The following STIM1 variants were observed in gnomAD, a reference collection of about 807,000 sequenced individuals.
STIM1 encodes the protein stromal interaction molecule 1.
STIM1 carries 25 observed loss-of-function variants against 74.7 expected under a neutral mutation model. The observed-to-expected ratio is 0.33, with a 90% CI of 0.24 to 0.47. The LOEUF is 0.47. STIM1 is among the 20% of genes least tolerant of loss of function. The pLI is 1.00. For synonymous variants in STIM1, 328 were observed against 348.8 expected, an observed-to-expected ratio of 0.94 and a Z score of 0.66; for missense variants, 728 against 920.8, an observed-to-expected ratio of 0.79 and a Z score of 2.71.
At chr11:4,036,928 G>A (rs1302117822) in intron 3 of STIM1, among the ~76,000 whole-genome samples, 2 of 152,146 alleles carry the variant, frequency 1.3e-5, no homozygotes, top group African/African-American at 2.4e-5. Context: ...AACTATCATC[G>A]GAGTGAACAG....
At chr11:3,995,082 TGA>T (rs1481543572) in intron 2 of STIM1, among the ~76,000 whole-genome samples, 1 of 60,810 alleles carries the variant, frequency 1.6e-5, no homozygotes, top group Non-Finnish European at 4.4e-5. Context: ...TTAAAAATCA[TGA>T]TTTTTTTTTT....
At chr11:3,894,033 C>T (rs1003994267) in intron 1 of STIM1, among the ~76,000 whole-genome samples, 1 of 152,012 alleles carries the variant, frequency 6.6e-6, no homozygotes, top group Non-Finnish European at 1.5e-5. Flanking sequence ...GCCCACCTCC[C>T]GAAATGTTGG....
At chr11:3,955,053 A>G (rs2093194655) in intron 1 of STIM1, among the ~76,000 whole-genome samples, 1 of 152,264 alleles carries the variant, frequency 6.6e-6, no homozygotes, top group African/African-American at 2.4e-5. Flanking sequence ...GCAAAATGGA[A>G]CAAACTACTG....
chr11:3,945,799 T>C (rs2093065254), intron 1 of STIM1, among the ~76,000 whole-genome samples: 1 of 152,132 alleles, frequency 6.6e-6, no homozygotes, highest in African/African-American at 2.4e-5. Context: ...TTTAATTGGC[T>C]CACAGTTCTG....
intron 1 of STIM1, among the ~76,000 whole-genome samples, chr11:3,901,145 C>T (rs1406227059): frequency 2.0e-5 from 3 of 152,120 alleles, no homozygotes; most frequent in African/African-American, 7.2e-5. Flanking sequence ...CACACCACTG[C>T]ACTCCAGCCT....
chr11:3,932,774 C>T (rs979940534), intron 1 of STIM1, among the ~76,000 whole-genome samples: 4 of 151,934 alleles, frequency 2.6e-5, no homozygotes, highest in Non-Finnish European at 4.4e-5. Context: ...AACCAGTAAG[C>T]GGGCCCTCGC....
intron 2 of STIM1, among the ~76,000 whole-genome samples, chr11:3,975,191 T>C (rs1412328006): frequency 6.6e-6 from 1 of 152,212 alleles, no homozygotes; most frequent in Non-Finnish European, 1.5e-5. Context: ...TCTAGTGACT[T>C]TGCCTTTGGT....
intron 1 of STIM1, among the ~76,000 whole-genome samples, chr11:3,966,124 T>C (rs2093338659): frequency 6.6e-6 from 1 of 152,188 alleles, no homozygotes; most frequent in Non-Finnish European, 1.5e-5. Context: ...AGGCCAGCTA[T>C]CTGGTCACCC....
chr11:3,991,818 C>T (rs1388003630), intron 2 of STIM1, among the ~76,000 whole-genome samples: 1 of 151,384 alleles, frequency 6.6e-6, no homozygotes, highest in Admixed American at 6.6e-5. Context: ...GTCATGGTGG[C>T]GCATGCCTGT....
chr11:3,892,258 A>C (rs543359142), intron 1 of STIM1: 12 of 622,126 alleles, frequency 1.9e-5, no homozygotes, highest in Non-Finnish European at 3.1e-5. Context: ...AACAGAGAAA[A>C]CATGGAGCCC....
At chr11:3,923,067 T>A (rs1406894203) in intron 1 of STIM1, among the ~76,000 whole-genome samples, 2 of 144,808 alleles carry the variant, frequency 1.4e-5, no homozygotes, top group Admixed American at 1.4e-4. Context: ...GCCACTGCAC[T>A]CCAGCCTGGG....
intron 12 of STIM1, 166 bp downstream of exon 12, chr11:4,086,709 TACCACCACCACCACC>T: frequency 6.5e-7 from 1 of 1,538,304 alleles, no homozygotes; most frequent in Non-Finnish European, 8.7e-7. Flanking sequence ...CCATCACCAC[TACCACCACCACCACC>T]ACCACCTTCA....
intron 5 of STIM1, among the ~76,000 whole-genome samples, chr11:4,059,812 A>G (rs921230496): frequency 6.6e-6 from 1 of 152,206 alleles, no homozygotes; most frequent in African/African-American, 2.4e-5. Context: ...AGGTGGCAGA[A>G]TAGGACATTC....
chr11:3,933,055 A>G (rs2092889476), intron 1 of STIM1, among the ~76,000 whole-genome samples: 1 of 152,178 alleles, frequency 6.6e-6, no homozygotes, highest in Non-Finnish European at 1.5e-5. Context: ...ATTTATTACA[A>G]TTGATCATGT....
At chr11:3,924,659 G>T (rs888759450) in intron 1 of STIM1, among the ~76,000 whole-genome samples, 3 of 152,110 alleles carry the variant, frequency 2.0e-5, no homozygotes, top group African/African-American at 4.8e-5. Context: ...TTTCTTTGCT[G>T]TAATAGCTTG....
chr11:3,923,171 C>T (rs1390312871), intron 1 of STIM1, among the ~76,000 whole-genome samples: 1 of 149,654 alleles, frequency 6.7e-6, no homozygotes, highest in Non-Finnish European at 1.5e-5. Context: ...TTTTTTTTAT[C>T]TAAAAGTTTT....
At chr11:3,922,102 A>C (rs1430079069) in intron 1 of STIM1, among the ~76,000 whole-genome samples, 1 of 152,174 alleles carries the variant, frequency 6.6e-6, no homozygotes, top group Non-Finnish European at 1.5e-5. Flanking sequence ...GTAATTTGTT[A>C]TGCAATTATA....
intron 1 of STIM1, among the ~76,000 whole-genome samples, chr11:3,879,312 C>T (rs1454358238): frequency 6.6e-6 from 1 of 152,152 alleles, no homozygotes; most frequent in Non-Finnish European, 1.5e-5. Flanking sequence ...TTTCCAAAAC[C>T]CTCCAATCCT....
At chr11:3,958,380 G>T (rs2093243615) in intron 1 of STIM1, among the ~76,000 whole-genome samples, 1 of 152,180 alleles carries the variant, frequency 6.6e-6, no homozygotes, top group African/African-American at 2.4e-5. Flanking sequence ...AATCTGTAGT[G>T]ATTTGTGTTA....
Sources: allele counts gnomAD v4.1 joint callset (sites outside exome capture counted in the v4.1 genomes callset), GRCh38; gene constraint gnomAD v4.1.1; transcripts MANE v1.5; gene names NCBI Gene and HGNC (gene_info 2026-07-23, HGNC 2026-07-21).